The following SLC25A12 variants were observed in gnomAD, a reference collection of about 807,000 sequenced individuals.
The protein encoded by SLC25A12 is solute carrier family 25 member 12, also known as electrogenic aspartate/glutamate antiporter SLC25A12, mitochondrial.
Under a neutral mutation model 83.3 loss-of-function variants are expected in SLC25A12, and 32 were observed. The ratio of observed to expected loss-of-function variants is 0.38; its 90% CI spans 0.29 to 0.52. The LOEUF is 0.52. Ranked by LOEUF, SLC25A12 falls within the 20% of genes least tolerant of loss-of-function variation. SLC25A12 has a pLI of 0.84. For synonymous variants in SLC25A12, 267 were observed against 291.1 expected, an observed-to-expected ratio of 0.92 and a Z score of 0.84; for missense variants, 611 against 835.6, an observed-to-expected ratio of 0.73 and a Z score of 3.31.
At chr2:171,836,056 T>TCTCTCCTTCCCTCCC (rs1684549674) in intron 6 of SLC25A12, among the ~76,000 whole-genome samples, 1 of 152,132 alleles carries the variant, frequency 6.6e-6, no homozygotes, top group African/African-American at 2.4e-5. Context: ...TCTTCCCTTC[T>TCTCTCCTTCCCTCCC]CTCTCCTTCC....
In SLC25A12 at chr2:171,832,021, C is replaced by T. The variant is rs549320582; in HGVS notation, c.845+1942G>A. ...AATTAATTGGCTTAAGAGCTACACC[C>T]TAGAGATTAACCCTTCACATGATCA... On this transcript the variant is annotated intron_variant, in intron 8 of 17. Coordinates refer to ENST00000422440, the MANE Select transcript of SLC25A12 (RefSeq NM_003705.5). Among the ~76,000 whole-genome samples the T allele has an allele frequency of 3.9e-5, 6 of 152,298 alleles. No homozygotes were observed. The South Asian group carries it at 1.2e-3, about 32-fold the overall frequency.
intron 4 of SLC25A12, among the ~76,000 whole-genome samples, chr2:171,847,589 T>C (rs1460064980): frequency 6.6e-6 from 1 of 152,214 alleles, no homozygotes; most frequent in Non-Finnish European, 1.5e-5. Context: ...GGATCTTTTT[T>C]TTGCCATGTT....
Position 171,868,825 on chromosome 2 carries a change from T to G in SLC25A12, c.67-2A>C, listed in dbSNP as rs1436348539. 6.2e-7 allele frequency: 1 copy of G among 1,605,394 alleles called. No individual in the cohort carries two copies. Among genetic ancestry groups the G allele is most frequent in the Admixed American group, 1.7e-5 (1 of 59,962 alleles). ...TCCATCAACCTCAGTACTGGCATAC[T>G]AAAAAAATAAATAAATAATGCATAC... On this transcript the variant is annotated splice_acceptor_variant, in intron 2 of 17. Transcript: ENST00000422440. LOFTEE classifies it high-confidence loss of function.
intron 2 of SLC25A12, among the ~76,000 whole-genome samples, chr2:171,880,729 ATCCATGGTATCCATCATTAT>A (rs1685676097): frequency 6.6e-6 from 1 of 152,104 alleles, no homozygotes; most frequent in Admixed American, 6.6e-5. Flanking sequence ...CCCTCTAGTC[ATCCATGGTATCCATCATTAT>A]TCTATTTTCT....
At chr2:171,893,522 G>C (rs1255242540) in intron 1 of SLC25A12, among the ~76,000 whole-genome samples, 1 of 152,154 alleles carries the variant, frequency 6.6e-6, no homozygotes, top group Non-Finnish European at 1.5e-5. Flanking sequence ...AGGCAATGAG[G>C]ATCTTTTACT....
intron 4 of SLC25A12, chr2:171,852,671 T>C: frequency 2.2e-6 from 1 of 455,620 alleles, no homozygotes. Flanking sequence ...AACTGACCTT[T>C]ACCCCAGATC....
intron 1 of SLC25A12, 91 bp from the exon 2 acceptor site, chr2:171,893,349 T>C (rs1166966393): frequency 1.2e-5 from 13 of 1,054,810 alleles, no homozygotes; most frequent in Non-Finnish European, 1.8e-5. Context: ...TAACAATCAA[T>C]GCTCCTATCT....
chr2:171,871,101 C>CT (rs1685447952), intron 2 of SLC25A12, among the ~76,000 whole-genome samples: 1 of 152,110 alleles, frequency 6.6e-6, no homozygotes, highest in Non-Finnish European at 1.5e-5. Context: ...ATGCAGGATG[C>CT]TGAGGAGGGA....
rs551663082 is a variant in SLC25A12 at position 171,864,939 on chromosome 2, A to G, written c.209+3742T>C. On this transcript the variant is annotated intron_variant, in intron 3 of 17. Transcript: ENST00000422440. The stretch of plus-strand genomic sequence containing the variant: ...TATGTTTGTATTTGTAAGGCCCAAC[A>G]GTGCCTGACAAACAATGGCTGTTCA... Among the ~76,000 whole-genome samples the G allele has an allele frequency of 3.9e-5, 6 of 152,182 alleles. No individual in the cohort carries two copies. The East Asian group carries it at 7.7e-4, about 20-fold the overall frequency.
chr2:171,850,333 C>CTTTCTTTT (rs1553474522), intron 4 of SLC25A12, among the ~76,000 whole-genome samples: 1 of 103,462 alleles, frequency 9.7e-6, no homozygotes. Flanking sequence ...CCAGGCTGGT[C>CTTTCTTTT]TTTGTTTTTT....
At chr2:171,828,886 G>C (rs1046842498) in intron 8 of SLC25A12, among the ~76,000 whole-genome samples, 1 of 152,214 alleles carries the variant, frequency 6.6e-6, no homozygotes, top group African/African-American at 2.4e-5. Context: ...TCCCAAAGTG[G>C]TACCATCACC....
chr2:171,886,578 C>T lies in SLC25A12; in HGVS notation c.66+6627G>A, dbSNP rs192115145. 6.0e-3 allele frequency among the ~76,000 whole-genome samples: 913 copies of T among 151,298 alleles called. 12 individuals carry two copies. Among genetic ancestry groups the T allele is most frequent in the African/African-American group, 0.021 (871 of 41,214 alleles). On this transcript the variant is annotated intron_variant, in intron 2 of 17. Transcript: ENST00000422440. Reference sequence around the variant, plus strand: ...AGGCTGGAGTGCAGTGGCGCGATCTCGGCTCACTGCAACCTCAGCCTCCCA... The same window carrying T: ...AGGCTGGAGTGCAGTGGCGCGATCTTGGCTCACTGCAACCTCAGCCTCCCA...
intron 2 of SLC25A12, among the ~76,000 whole-genome samples, chr2:171,882,658 TACTG>T (rs1321367632): frequency 6.6e-6 from 1 of 152,228 alleles, no homozygotes; most frequent in Non-Finnish European, 1.5e-5. Flanking sequence ...ACTGAAATAG[TACTG>T]ACTAATATTT....
intron 2 of SLC25A12, among the ~76,000 whole-genome samples, chr2:171,876,680 C>T (rs1284295592): frequency 6.6e-6 from 1 of 151,916 alleles, no homozygotes; most frequent in African/African-American, 2.4e-5. Flanking sequence ...AGGTTGCCCC[C>T]CCACACACAC....
At chr2:171,888,296 G>A (rs1685864799) in intron 2 of SLC25A12, among the ~76,000 whole-genome samples, 4 of 151,196 alleles carry the variant, frequency 2.6e-5, no homozygotes, top group South Asian at 4.2e-4. Flanking sequence ...ATGGAATCTC[G>A]CTTTGTTGCC....
intron 4 of SLC25A12, chr2:171,852,799 AAC>A (rs1480839312): frequency 1.2e-5 from 4 of 325,368 alleles, no homozygotes; most frequent in South Asian, 5.2e-5. Context: ...CATTTGCTAC[AAC>A]AGTTTCAATA....
intron 2 of SLC25A12, among the ~76,000 whole-genome samples, chr2:171,874,478 CTTT>C (rs1428814817): frequency 2.4e-4 from 36 of 152,142 alleles, no homozygotes; most frequent in Admixed American, 2.3e-3. Flanking sequence ...TGTGTTGCTT[CTTT>C]GTTTCATTAA....
intron 4 of SLC25A12, among the ~76,000 whole-genome samples, chr2:171,846,939 A>G (rs953726981): frequency 6.6e-6 from 1 of 152,250 alleles, no homozygotes; most frequent in African/African-American, 2.4e-5. Context: ...CCATCTCTAA[A>G]TAAGATCTTA....
chr2:171,813,817 C>T (rs1269677690), intron 10 of SLC25A12, among the ~76,000 whole-genome samples: 4 of 152,166 alleles, frequency 2.6e-5, no homozygotes, highest in African/African-American at 9.7e-5. Flanking sequence ...ATAGTAACAA[C>T]ATTAAACTAT....
Sources: gnomAD v4.1 joint callset for allele counts (sites outside exome capture counted in the v4.1 genomes callset) on GRCh38, gnomAD v4.1.1 for gene constraint, MANE v1.5 for transcripts, NCBI Gene and HGNC (gene_info 2026-07-23, HGNC 2026-07-21) for gene names.